Variants in AFF3 observed in about 807,000 individuals in gnomAD.
The protein encoded by AFF3 is AF4/FMR2 family member 3.
In AFF3, 32 loss-of-function variants were observed where a neutral mutation model predicts 129.7. That is an observed-to-expected ratio of 0.25 (90% CI 0.19 to 0.33). The LOEUF is 0.33. AFF3 is among the 10% of genes least tolerant of loss of function. AFF3 has a pLI of 1.00. For missense variants in AFF3, 1,373 were observed against 1,592.0 expected, an observed-to-expected ratio of 0.86 and a Z score of 2.34; for synonymous variants, 644 against 635.4, an observed-to-expected ratio of 1.01 and a Z score of -0.20.
chr2:100,035,931 A>C (rs1287568337), intron 4 of AFF3, among the ~76,000 whole-genome samples: 1 of 152,070 alleles, frequency 6.6e-6, no homozygotes, highest in Non-Finnish European at 1.5e-5. Flanking sequence ...GCAAGTAAAG[A>C]AGCATTCTTT....
intron 13 of AFF3, among the ~76,000 whole-genome samples, chr2:99,608,536 G>A (rs1364589284): frequency 2.0e-5 from 3 of 152,098 alleles, no homozygotes; most frequent in East Asian, 3.9e-4. Flanking sequence ...GAGAACCCAC[G>A]GGGGCCACGC....
At chr2:100,063,648 G>A (rs1484791885) in intron 4 of AFF3, among the ~76,000 whole-genome samples, 1 of 152,088 alleles carries the variant, frequency 6.6e-6, no homozygotes, top group Non-Finnish European at 1.5e-5. Context: ...AGAATACAAT[G>A]AGAAGGTCCA....
intron 8 of AFF3, among the ~76,000 whole-genome samples, chr2:99,805,837 C>CACACAT (rs1410712309): frequency 4.0e-5 from 6 of 151,842 alleles, no homozygotes; most frequent in Non-Finnish European, 8.8e-5. Flanking sequence ...CACACACACA[C>CACACAT]ACACACACAC....
intron 7 of AFF3, among the ~76,000 whole-genome samples, chr2:99,934,155 T>C (rs1372826742): frequency 6.6e-6 from 1 of 152,192 alleles, no homozygotes; most frequent in East Asian, 1.9e-4. Flanking sequence ...AGAGGTGCCC[T>C]TGGACTGGGA....
intron 15 of AFF3, among the ~76,000 whole-genome samples, chr2:99,589,098 CTGTCTATATATTACCAA>C (rs1048975115): frequency 2.6e-5 from 4 of 152,214 alleles, no homozygotes; most frequent in Admixed American, 6.5e-5. Flanking sequence ...TATTTCCAAT[CTGTCTATATATTACCAA>C]TGTCTATCTC....
chr2:99,953,275 C>G (rs1251373688), intron 7 of AFF3, among the ~76,000 whole-genome samples: 1 of 152,142 alleles, frequency 6.6e-6, no homozygotes, highest in Non-Finnish European at 1.5e-5. Context: ...GATTGGGCAT[C>G]TCTAATGTCT....
chr2:99,608,381 T>C (rs1029010528), intron 13 of AFF3, among the ~76,000 whole-genome samples: 55 of 152,240 alleles, frequency 3.6e-4, no homozygotes, highest in African/African-American at 1.2e-3. Flanking sequence ...CACTTCTCTA[T>C]TGCAGCCCTT....
chr2:99,775,995 A>G (rs2105350144), intron 8 of AFF3, among the ~76,000 whole-genome samples: 1 of 152,326 alleles, frequency 6.6e-6, no homozygotes, highest in Middle Eastern at 3.4e-3. Context: ...TTTAAAATAA[A>G]CCCGATGCTT....
At chr2:99,719,277 G>A (rs963516806) in intron 11 of AFF3, among the ~76,000 whole-genome samples, 10 of 151,970 alleles carry the variant, frequency 6.6e-5, no homozygotes, top group Admixed American at 4.6e-4. Context: ...AACCAACCAT[G>A]CACTCCTGTG....
At chr2:99,942,386 A>G (rs1675134865) in intron 7 of AFF3, among the ~76,000 whole-genome samples, 1 of 152,100 alleles carries the variant, frequency 6.6e-6, no homozygotes, top group African/African-American at 2.4e-5. Context: ...TGGACAAGAA[A>G]AATAATAAAG....
chr2:100,090,416 G>A lies in AFF3; in HGVS notation c.53+13986C>T, dbSNP rs188504042. ...GGTTTTATGGAGTATACAACTAATT[G>A]CAAGAAATTATATAGGCAGTGTATT... is the stretch of plus-strand genomic sequence containing the variant. On this transcript the variant is annotated intron_variant, in intron 4 of 24. Coordinates refer to ENST00000672756, the MANE Select transcript of AFF3 (RefSeq NM_001386135.1). Among the ~76,000 whole-genome samples the A allele has an allele frequency of 4.9e-4, 74 of 152,246 alleles. 1 individual carries two copies. In the Middle Eastern group the frequency reaches 0.014, roughly 28 times the overall value.
intron 21 of AFF3, among the ~76,000 whole-genome samples, chr2:99,559,745 C>A (rs890630727): frequency 1.3e-5 from 2 of 152,206 alleles, no homozygotes; most frequent in Non-Finnish European, 2.9e-5. Flanking sequence ...ACCATCTCCT[C>A]CTACCAACCA....
chr2:99,780,793 C>A (rs1030769657), intron 8 of AFF3, among the ~76,000 whole-genome samples: 5 of 152,112 alleles, frequency 3.3e-5, no homozygotes, highest in African/African-American at 1.2e-4. Flanking sequence ...ATAGCCCAAC[C>A]CTCAAAATGT....
At position 100,006,689 on chromosome 2, in the gene AFF3, C is replaced by T. The variant is rs150140967; in HGVS notation, c.816G>A (p.Pro272=). The T allele has an allele frequency of 8.1e-4, 1,305 of 1,613,728 alleles. 19 individuals are homozygous for T. In the East Asian group the frequency reaches 0.02, roughly 25 times the overall value. ...GCTTGGCCTTGGCTCTGGCAGGCTC[C>T]GGCTTGCTGGCAGGGACTCCCCTGT... The part of the protein sequence containing the change: ...TSYRGVPASK[P]EPARAKAKLS... Residue 272 remains proline, a synonymous_variant, in exon 7 of 25, where the codon CCG becomes CCA. Coordinates refer to ENST00000672756, the MANE Select transcript of AFF3 (RefSeq NM_001386135.1).
At chr2:100,070,547 G>A (rs1008940628) in intron 4 of AFF3, among the ~76,000 whole-genome samples, 1 of 152,142 alleles carries the variant, frequency 6.6e-6, no homozygotes, top group Non-Finnish European at 1.5e-5. Context: ...CTACAGACAT[G>A]CTCTTAGAAA....
At chr2:99,707,600 G>A in intron 11 of AFF3, 1 of 984,550 alleles carries the variant, frequency 1.0e-6, no homozygotes, top group Non-Finnish European at 1.2e-6. Context: ...TAAACAAGTT[G>A]TGGTATTTTA....
intron 4 of AFF3, 142 bp from the exon 5 acceptor site, chr2:100,009,074 G>T (rs1490301841): frequency 8.6e-7 from 1 of 1,167,574 alleles, no homozygotes; most frequent in East Asian, 2.6e-5. Flanking sequence ...AAAAGCCAGA[G>T]TCATCAGGCA....
chr2:99,894,755 G>A (rs992829726), intron 7 of AFF3, among the ~76,000 whole-genome samples: 1 of 152,064 alleles, frequency 6.6e-6, no homozygotes, highest in African/African-American at 2.4e-5. Context: ...GATTACAGGC[G>A]TGAGCCACTG....
intron 7 of AFF3, among the ~76,000 whole-genome samples, chr2:99,980,102 T>C (rs1421407894): frequency 6.6e-6 from 1 of 152,216 alleles, no homozygotes; most frequent in Admixed American, 6.5e-5. Flanking sequence ...ACCACTATTG[T>C]CATAGCATGT....
Sources: allele counts gnomAD v4.1 joint callset (sites outside exome capture counted in the v4.1 genomes callset), GRCh38; gene constraint gnomAD v4.1.1; transcripts MANE v1.5; gene names NCBI Gene and HGNC (gene_info 2026-07-23, HGNC 2026-07-21).